Variants in PPARA observed in about 807,000 individuals in gnomAD.
PPARA encodes the protein peroxisome proliferator activated receptor alpha, also known as peroxisome proliferator-activated receptor alpha.
PPARA carries 22 observed loss-of-function variants against 42.2 expected under a neutral mutation model. The ratio of observed to expected loss-of-function variants is 0.52; its 90% CI spans 0.37 to 0.74. The LOEUF (loss-of-function observed/expected upper bound fraction) is 0.74. Ranked by LOEUF, PPARA falls within the 30% of genes least tolerant of loss-of-function variation. The probability of loss-of-function intolerance (pLI) is 0.00; values close to 1 mark genes in which losing one functional copy is unlikely to be tolerated. For synonymous variants in PPARA, 242 were observed against 239.3 expected (o/e 1.01, Z -0.10); for missense variants, 465 against 608.2 (o/e 0.76, Z 2.48).
In PPARA at chr22:46,233,460, C is replaced by T. The variant is rs752026323; in HGVS notation, c.1159+1221C>T. Among the ~76,000 whole-genome samples, 2 of 152,204 alleles carry T rather than the reference C, an allele frequency of 1.3e-5. No individual in the cohort carries two copies. Among genetic ancestry groups the T allele is most frequent in the African/African-American group, 2.4e-5 (1 of 41,450 alleles). On this transcript the variant is annotated intron_variant, in intron 8 of 8. Coordinates refer to ENST00000407236, the MANE Select transcript of PPARA (RefSeq NM_005036.6). This position sits in a 1 kb window ranked among gnomAD's most constrained non-coding sequence, Gnocchi z 7.3. ...CAGATGGGGTCTCCCACACTGCCTG[C>T]AGCCATACTGCGCCTGGGGGATTGA...
At chr22:46,228,993 G>A (rs1406621960) in intron 7 of PPARA, among the ~76,000 whole-genome samples, 1 of 151,872 alleles carries the variant, frequency 6.6e-6, no homozygotes, top group Non-Finnish European at 1.5e-5. Flanking sequence ...TGTAGTCCCA[G>A]CTACTGGGGA....
At position 46,171,710 on chromosome 22, in the gene PPARA, G is replaced by A. The variant is rs993314951; in HGVS notation, c.-126-5043G>A. On this transcript the variant is annotated intron_variant, in intron 2 of 8. Coordinates refer to ENST00000407236, the MANE Select transcript of PPARA (RefSeq NM_005036.6). The surrounding 1 kb of genome is among the most constrained non-coding windows in gnomAD (Gnocchi z 5.0). ...GGAAGTGTGACTCGAGCAGTGTCCTGGAGAGGAGGAGGAGGAGAAAGAGGT... is the reference window on the plus strand; with the variant it reads ...GGAAGTGTGACTCGAGCAGTGTCCTAGAGAGGAGGAGGAGGAGAAAGAGGT... 2.0e-5 allele frequency among the ~76,000 whole-genome samples: 3 copies of A among 152,142 alleles called. No individual in the cohort carries two copies. The highest frequency in any genetic ancestry group is 7.2e-5 in the African/African-American group (3 of 41,428).
Position 46,236,968 on chromosome 22 carries a change from T to C in PPARA, c.*1588T>C, listed in dbSNP as rs1275598080. 6.6e-6 allele frequency: 1 copy of C among 152,200 alleles called. No individual in the cohort carries two copies. Among genetic ancestry groups the C allele is most frequent in the African/African-American group, 2.4e-5 (1 of 41,444 alleles). The allele number at this position is 152,200 out of a possible 1,614,324, so 9.4% of individuals were successfully genotyped here. A position where few individuals can be genotyped will look rare whatever the true frequency, so the allele number is the denominator to read the frequency against. ...TGATTATGGTAGTTTGTCAAGAATA[T>C]ATGGACCTGGAAACACTTTCTCTCT... On this transcript the variant is annotated 3_prime_UTR_variant, in exon 9 of 9. Coordinates refer to ENST00000407236, the MANE Select transcript of PPARA (RefSeq NM_005036.6). The surrounding 1 kb of genome is among the most constrained non-coding windows in gnomAD (Gnocchi z 5.2).
intron 4 of PPARA, among the ~76,000 whole-genome samples, chr22:46,207,658 TATTATTATTATTATTA>T (rs1183881185): frequency 1.8e-5 from 2 of 112,568 alleles, no homozygotes; most frequent in African/African-American, 8.8e-5. Flanking sequence ...TTATTATTAT[TATTATTATTATTATTA>T]TTATTTTTTT....
rs764662561 is a variant in PPARA, at chr22:46,207,677, A to ATTTTTTTTTTTT, written c.209-7484_209-7473dup. On this transcript the variant is annotated intron_variant, in intron 4 of 8. Transcript: ENST00000407236. ...TATTATTATTATTATTATTATTATT[A>ATTTTTTTTTTTT]TTTTTTTTTTTTTTTTTTTTTTTAG... 2.6e-4 allele frequency among the ~76,000 whole-genome samples: 13 copies of ATTTTTTTTTTTT among 50,720 alleles called. 1 individual carries two copies. The highest frequency in any genetic ancestry group is 1.2e-3 in the East Asian group (2 of 1,604). The allele number at this position is 50,720 out of a possible 152,430, so 33.3% of individuals were successfully genotyped here. A position where few individuals can be genotyped will look rare whatever the true frequency, so the allele number is the denominator to read the frequency against.
In PPARA at chr22:46,232,964, G is replaced by A. The variant is rs1375428179; in HGVS notation, c.1159+725G>A. ...GCCACCACACTCCAGCCTGGGCGAC[G>A]AAGAATGACCCTGTCTCAAAAAAAA... is the stretch of plus-strand genomic sequence containing the variant. On this transcript the variant is annotated intron_variant, in intron 8 of 8. Coordinates refer to ENST00000407236, the MANE Select transcript of PPARA (RefSeq NM_005036.6). The surrounding 1 kb of genome is among the most constrained non-coding windows in gnomAD (Gnocchi z 5.3). Among the ~76,000 whole-genome samples the A allele has an allele frequency of 7.4e-5, 9 of 121,584 alleles. No homozygotes were observed. The highest frequency in any genetic ancestry group is 2.8e-4 in the Admixed American group (3 of 10,558). 79.8% of individuals were successfully genotyped at this position (121,584 alleles called of 152,430 possible). A position where few individuals can be genotyped will look rare whatever the true frequency, so the allele number is the denominator to read the frequency against.
At position 46,235,232 on chromosome 22, in the gene PPARA, T is replaced by C. The variant is rs1214194492; in HGVS notation, c.1259T>C (p.Ile420Thr). 8 of 1,613,922 alleles carry C rather than the reference T, an allele frequency of 5.0e-6. No individual in the cohort carries two copies. Among genetic ancestry groups the C allele is most frequent in the Non-Finnish European group, 6.8e-6 (8 of 1,180,036 alleles). Residue 420 changes from isoleucine to threonine, a missense_variant, in exon 9 of 9, where the codon ATC becomes ACC. This residue lies in a region of PPARA where 313 missense variants were observed against 469.1 expected (regional missense o/e 0.67). Transcript: ENST00000407236. This position sits in a 1 kb window ranked among gnomAD's most constrained non-coding sequence, Gnocchi z 7.0. The stretch of plus-strand genomic sequence containing the variant: ...CTGCAGAGCAACCACCCGGACGATA[T>C]CTTTCTCTTCCCAAAACTTCTTCAA... ...LHLQSNHPDD[I>T]FLFPKLLQKM...
rs1936269182 is a variant in PPARA, at chr22:46,238,015, C to T, written c.*2635C>T. On this transcript the variant is annotated 3_prime_UTR_variant, in exon 9 of 9. Coordinates refer to ENST00000407236, the MANE Select transcript of PPARA (RefSeq NM_005036.6). The surrounding 1 kb of genome is among the most constrained non-coding windows in gnomAD (Gnocchi z 8.3). ...TTTTCATAAAACCTGTTTAAAATAG[C>T]TCCCCGTCTCAGGCTTTCAGCAGTA... 6.6e-6 allele frequency: 1 copy of T among 152,210 alleles called. No individual in the cohort carries two copies. The highest frequency in any genetic ancestry group is 2.1e-4 in the South Asian group (1 of 4,832). 9.4% of individuals were successfully genotyped at this position (152,210 alleles called of 1,614,324 possible). A position where few individuals can be genotyped will look rare whatever the true frequency, so the allele number is the denominator to read the frequency against.
In PPARA at chr22:46,221,117, G is replaced by C. The variant is rs1489423608; in HGVS notation, c.711+1103G>C. Among the ~76,000 whole-genome samples the C allele has an allele frequency of 6.6e-6, 1 of 152,178 alleles. No homozygotes were observed. The highest frequency in any genetic ancestry group is 1.5e-5 in the Non-Finnish European group (1 of 68,032). On this transcript the variant is annotated intron_variant, in intron 7 of 8. Transcript: ENST00000407236. This position sits in a 1 kb window ranked among gnomAD's most constrained non-coding sequence, Gnocchi z 5.9. ...GAGGCCTCAGGGAATTTGACTCATA[G>C]CAGAAGGTGAAGTGGGAGTAGGCGT...
intron 7 of PPARA, among the ~76,000 whole-genome samples, chr22:46,229,382 G>C (rs1039750220): frequency 6.6e-6 from 1 of 151,652 alleles, no homozygotes; most frequent in African/African-American, 2.4e-5. Context: ...GGTGAAACCC[G>C]TCTCTACTAA....
intron 2 of PPARA, among the ~76,000 whole-genome samples, chr22:46,168,376 A>AG (rs1476856235): frequency 4.7e-5 from 7 of 148,070 alleles, no homozygotes; most frequent in Non-Finnish European, 8.9e-5. Context: ...AAAAAAAAAA[A>AG]AAGAAGAAAG....
rs1932123809 is a variant in PPARA, at chr22:46,195,480, C to A, written c.-42-2862C>A. Among the ~76,000 whole-genome samples, 1 of 152,108 alleles carries A rather than the reference C, an allele frequency of 6.6e-6. No individual in the cohort carries two copies. The highest frequency in any genetic ancestry group is 6.5e-5 in the Admixed American group (1 of 15,270). On this transcript the variant is annotated intron_variant, in intron 3 of 8. Coordinates refer to ENST00000407236, the MANE Select transcript of PPARA (RefSeq NM_005036.6). This position sits in a 1 kb window ranked among gnomAD's most constrained non-coding sequence, Gnocchi z 4.6. ...AGGTTAACAGTTCTCTTATTTTTCC[C>A]TGTGTGCTATTTGATGATTTCCCTG...
rs1226347956 is a variant in PPARA at position 46,156,252 on chromosome 22, G to A, written c.-127+4282G>A. 2 of 152,224 alleles carry A rather than the reference G, an allele frequency of 1.3e-5. No individual in the cohort carries two copies. Among genetic ancestry groups the A allele is most frequent in the East Asian group, 1.9e-4 (1 of 5,198 alleles). 9.4% of individuals were successfully genotyped at this position (152,224 alleles called of 1,614,324 possible). On this transcript the variant is annotated intron_variant, in intron 2 of 8. Transcript: ENST00000407236. This position sits in a 1 kb window ranked among gnomAD's most constrained non-coding sequence, Gnocchi z 5.2. ...TAGCCCCTTAGCTGCTGCCTGCCAG[G>A]CCTGGAGACCTTTGTTCTCTTCTTT...
rs894320900 is a variant in PPARA at position 46,160,101 on chromosome 22, T to C, written c.-127+8131T>C. ...CTGGGAAGTGCGGATCCAGGGCTGG[T>C]GCACTGAACCCAGAGGAGCAGGCTC... On this transcript the variant is annotated intron_variant, in intron 2 of 8. Coordinates refer to ENST00000407236, the MANE Select transcript of PPARA (RefSeq NM_005036.6). The surrounding 1 kb of genome is among the most constrained non-coding windows in gnomAD (Gnocchi z 4.5). Among the ~76,000 whole-genome samples the C allele has an allele frequency of 6.6e-6, 1 of 152,176 alleles. No homozygotes were observed. Among genetic ancestry groups the C allele is most frequent in the Non-Finnish European group, 1.5e-5 (1 of 68,026 alleles).
chr22:46,156,007 G>T lies in PPARA; in HGVS notation c.-127+4037G>T, dbSNP rs1420936702. On this transcript the variant is annotated intron_variant, in intron 2 of 8. Transcript: ENST00000407236. The surrounding 1 kb of genome is among the most constrained non-coding windows in gnomAD (Gnocchi z 5.2). ...TATTTAATTAGCATCTTTTAATAGT[G>T]ATATTACGGTGTCTTAAAAGTTTAT... The T allele has an allele frequency of 6.6e-6, 1 of 152,186 alleles. No individual in the cohort carries two copies. Among genetic ancestry groups the T allele is most frequent in the Non-Finnish European group, 1.5e-5 (1 of 68,038 alleles). The allele number at this position is 152,186 out of a possible 1,614,324, so 9.4% of individuals were successfully genotyped here. A position where few individuals can be genotyped will look rare whatever the true frequency, so the allele number is the denominator to read the frequency against.
At chr22:46,198,683 C>G in intron 4 of PPARA, 92 bp downstream of exon 4, 1 of 1,122,158 alleles carries the variant, frequency 8.9e-7, no homozygotes. Context: ...TTTTTTGAGA[C>G]GGAGTCTCGC....
chr22:46,193,135 C>T lies in PPARA; in HGVS notation c.-42-5207C>T, dbSNP rs1448458735. Among the ~76,000 whole-genome samples the T allele has an allele frequency of 2.0e-5, 3 of 152,146 alleles. No individual in the cohort carries two copies. The highest frequency in any genetic ancestry group is 1.3e-4 in the Admixed American group (2 of 15,276). On this transcript the variant is annotated intron_variant, in intron 3 of 8. Transcript: ENST00000407236. This position sits in a 1 kb window ranked among gnomAD's most constrained non-coding sequence, Gnocchi z 5.3. ...AGGCTGGAGTGCAGTGGCATGATCT[C>T]GGCTCACTGCAACCTCCACCTCCTG...
chr22:46,151,656 C>A (rs1301177928), intron 1 of PPARA, among the ~76,000 whole-genome samples: 1 of 152,270 alleles, frequency 6.6e-6, no homozygotes, highest in Non-Finnish European at 1.5e-5. Flanking sequence ...TCAGCCTCAG[C>A]CGACCCCTGC....
In PPARA at chr22:46,156,881, C is replaced by T. The variant is rs551989550; in HGVS notation, c.-127+4911C>T. Among the ~76,000 whole-genome samples the T allele has an allele frequency of 5.3e-5, 8 of 152,286 alleles. No homozygotes were observed. In the East Asian group the frequency reaches 7.7e-4, roughly 15 times the overall value. ...CCTCCCAAAGTCTTAGGATTACAGG[C>T]GTGAGCCACCACACCCGGCCTCCTG... On this transcript the variant is annotated intron_variant, in intron 2 of 8. Coordinates refer to ENST00000407236, the MANE Select transcript of PPARA (RefSeq NM_005036.6). This position sits in a 1 kb window ranked among gnomAD's most constrained non-coding sequence, Gnocchi z 5.2.
Sources: gnomAD v4.1 joint callset for allele counts (sites outside exome capture counted in the v4.1 genomes callset) on GRCh38, gnomAD v4.1.1 for gene constraint, gnomAD v4.1.1 regional missense constraint, Gnocchi (gnomAD v3.1) non-coding constraint, MANE v1.5 for transcripts, NCBI Gene and HGNC (gene_info 2026-07-23, HGNC 2026-07-21) for gene names.